Variants in ATXN2 observed in about 807,000 individuals in gnomAD.
ATXN2 encodes ataxin-2.
A neutral mutation model predicts 138.6 loss-of-function variants in ATXN2; 37 were observed. That is an observed-to-expected ratio of 0.27 (90% CI 0.21 to 0.35). The LOEUF is 0.35. ATXN2 is among the 10% of genes least tolerant of loss of function. The pLI is 1.00. For synonymous variants in ATXN2, 549 were observed against 543.7 expected, an observed-to-expected ratio of 1.01 and a Z score of -0.13; for missense variants, 1,216 against 1,480.3, an observed-to-expected ratio of 0.82 and a Z score of 2.93.
At chr12:111,595,572 TCAGAGGCTG>T (rs751204004) in intron 1 of ATXN2, among the ~76,000 whole-genome samples, 22 of 140,430 alleles carry the variant, frequency 1.6e-4, no homozygotes, top group Admixed American at 8.6e-4. Context: ...AACCCAGGAG[TCAGAGGCTG>T]CAGTGAGCTG....
chr12:111,509,956 G>T lies in ATXN2; in HGVS notation c.1799C>A (p.Ala600Glu). The T allele has an allele frequency of 1.2e-6, 2 of 1,612,836 alleles. No homozygotes were observed. Among genetic ancestry groups the T allele is most frequent in the Non-Finnish European group, 1.7e-6 (2 of 1,179,470 alleles). Residue 600 changes from alanine to glutamate, a missense_variant, in exon 13 of 25, where the codon GCA (alanine) becomes GAA (glutamate). Transcript: ENST00000673436. ...GGGTTTAATATTTTCTTTATTCCCT[G>T]CAGGAGAGTTCTGCCTCTGATCTTG... ...RLQDQRQNSP[A>E]GNKENIKPNE...
intron 15 of ATXN2, 21 bp downstream of exon 15, chr12:111,488,455 C>CTAA (rs1566020332): frequency 1.3e-6 from 2 of 1,586,968 alleles, no homozygotes; most frequent in Non-Finnish European, 1.7e-6. Flanking sequence ...ACAGGATGGT[C>CTAA]TAAGTTCCAG....
At chr12:111,521,560 T>C (rs1023990024) in intron 6 of ATXN2, among the ~76,000 whole-genome samples, 1 of 152,172 alleles carries the variant, frequency 6.6e-6, no homozygotes, top group Non-Finnish European at 1.5e-5. Context: ...GAAGGCAGCA[T>C]GAAACGGTGA....
intron 14 of ATXN2, among the ~76,000 whole-genome samples, chr12:111,506,314 G>A (rs1879102312): frequency 1.3e-5 from 2 of 152,086 alleles, no homozygotes; most frequent in South Asian, 4.2e-4. Context: ...GTACAACATT[G>A]TGAATATTTT....
Position 111,598,978 on chromosome 12 carries a change from T to TGCTGCTGCTGCTGCTGC in ATXN2, c.56_57insGCAGCAGCAGCAGCAGC (p.Gln25HisfsTer27), listed in dbSNP as rs757873033. ...GCTGCTGCTGCTGCTGCTGCTGCTG[T>TGCTGCTGCTGCTGCTGC]TGCTGCTGCTGCTGCTGCTGCTGCT... On this transcript the variant is annotated frameshift_variant, in exon 1 of 25. Transcript: ENST00000673436. LOFTEE classifies it high-confidence loss of function. This position sits in a 1 kb window ranked among gnomAD's most constrained non-coding sequence, Gnocchi z 4.5. 2.2e-5 allele frequency: 28 copies of TGCTGCTGCTGCTGCTGC among 1,292,994 alleles called. No individual in the cohort carries two copies. The highest frequency in any genetic ancestry group is 2.7e-4 in the Middle Eastern group (1 of 3,644). The allele number at this position is 1,292,994 out of a possible 1,614,324, so 80.1% of individuals were successfully genotyped here. A position where few individuals can be genotyped will look rare whatever the true frequency, so the allele number is the denominator to read the frequency against.
intron 1 of ATXN2, among the ~76,000 whole-genome samples, chr12:111,580,807 G>A (rs1371819916): frequency 2.0e-5 from 3 of 151,616 alleles, no homozygotes; most frequent in African/African-American, 4.8e-5. Flanking sequence ...GCAGCGGGGA[G>A]GGGAAAAAAG....
chr12:111,517,985 A>G (rs1879949199), intron 9 of ATXN2, among the ~76,000 whole-genome samples: 1 of 152,078 alleles, frequency 6.6e-6, no homozygotes. Flanking sequence ...TGGCCAAGTG[A>G]TTGTCTTGGG....
intron 1 of ATXN2, among the ~76,000 whole-genome samples, chr12:111,597,109 AGT>A (rs1381935844): frequency 4.9e-5 from 6 of 122,416 alleles, no homozygotes; most frequent in African/African-American, 1.9e-4. Context: ...CATCTGAACT[AGT>A]TTGGCTAAGT....
intron 1 of ATXN2, among the ~76,000 whole-genome samples, chr12:111,569,928 A>G (rs1183050641): frequency 6.6e-6 from 1 of 152,234 alleles, no homozygotes; most frequent in Non-Finnish European, 1.5e-5. Flanking sequence ...ACTTTGTACA[A>G]TGATGAAGAT....
At chr12:111,504,613 A>T (rs1878989715) in intron 14 of ATXN2, among the ~76,000 whole-genome samples, 1 of 152,138 alleles carries the variant, frequency 6.6e-6, no homozygotes, top group South Asian at 2.1e-4. Flanking sequence ...TTTTTAACAG[A>T]TGGTGCTGGG....
chr12:111,536,777 GTTTTT>G (rs750371516), intron 5 of ATXN2, among the ~76,000 whole-genome samples: 7 of 96,822 alleles, frequency 7.2e-5, no homozygotes, highest in Non-Finnish European at 1.3e-4. Flanking sequence ...TCCACACGCA[GTTTTT>G]TTTTTTTTTT....
At chr12:111,464,527 T>TTATA in intron 21 of ATXN2, 135 bp downstream of exon 21, 1 of 508,842 alleles carries the variant, frequency 2.0e-6, no homozygotes, top group Non-Finnish European at 3.2e-6. Flanking sequence ...ACTGAATTAT[T>TTATA]TATATATATA....
intron 1 of ATXN2, among the ~76,000 whole-genome samples, chr12:111,562,992 T>C (rs1882785036): frequency 6.6e-6 from 1 of 152,088 alleles, no homozygotes; most frequent in Non-Finnish European, 1.5e-5. Flanking sequence ...ACCCCAGTAA[T>C]GGGATAAATA....
At chr12:111,584,457 G>C (rs1381632520) in intron 1 of ATXN2, among the ~76,000 whole-genome samples, 1 of 146,130 alleles carries the variant, frequency 6.8e-6, no homozygotes, top group African/African-American at 2.5e-5. Context: ...CTAGTCCATA[G>C]GCAATGTGCC....
chr12:111,498,621 C>T (rs1050479727), intron 14 of ATXN2, among the ~76,000 whole-genome samples: 1 of 151,976 alleles, frequency 6.6e-6, no homozygotes, highest in Non-Finnish European at 1.5e-5. Context: ...ATTAATATTG[C>T]TAAAATGTTG....
intron 23 of ATXN2, 114 bp downstream of exon 23, chr12:111,455,915 C>G: frequency 9.9e-7 from 1 of 1,011,940 alleles, no homozygotes; most frequent in East Asian, 2.4e-5. Flanking sequence ...GAAAGGGAGA[C>G]AGGCAAATGG....
At chr12:111,590,055 A>C (rs1463248023) in intron 1 of ATXN2, among the ~76,000 whole-genome samples, 1 of 150,478 alleles carries the variant, frequency 6.6e-6, no homozygotes, top group Non-Finnish European at 1.5e-5. Flanking sequence ...ACTAAAAAAA[A>C]ATACAAAAAT....
chr12:111,531,656 T>C (rs998043109), intron 5 of ATXN2, among the ~76,000 whole-genome samples: 3 of 152,030 alleles, frequency 2.0e-5, no homozygotes, highest in Non-Finnish European at 4.4e-5. Context: ...AAGAAACAAG[T>C]TGGGGATAAG....
Position 111,512,451 on chromosome 12 carries a change from CTT to C in ATXN2, c.1558+904_1558+905del, listed in dbSNP as rs559068103. Reference sequence around the variant, plus strand: ...ATCATGTCAACGTCTAGTTTTTAAACTTTTTTTTTTTTTTTTTTTTTGAGACA... The same window carrying C: ...ATCATGTCAACGTCTAGTTTTTAAACTTTTTTTTTTTTTTTTTTTGAGACA... On this transcript the variant is annotated intron_variant, in intron 11 of 24. Coordinates refer to ENST00000673436, the MANE Select transcript of ATXN2 (RefSeq NM_001372574.1). 3,830 of 119,986 alleles carry C rather than the reference CTT, an allele frequency of 0.032. 461 individuals carry two copies. The East Asian group carries it at 0.5, about 16-fold the overall frequency. The allele number at this position is 119,986 out of a possible 1,614,324, so 7.4% of individuals were successfully genotyped here. A position where few individuals can be genotyped will look rare whatever the true frequency, so the allele number is the denominator to read the frequency against.
Sources: allele counts gnomAD v4.1 joint callset (sites outside exome capture counted in the v4.1 genomes callset), GRCh38; gene constraint gnomAD v4.1.1; non-coding constraint Gnocchi (gnomAD v3.1); transcripts MANE v1.5; gene names NCBI Gene and HGNC (gene_info 2026-07-23, HGNC 2026-07-21).